MMP15: variants seen among roughly 807,000 people sequenced by gnomAD.
MMP15 encodes matrix metallopeptidase 15, also known as matrix metalloproteinase-15.
A neutral mutation model predicts 65.0 loss-of-function variants in MMP15; 36 were observed. That is an observed-to-expected ratio of 0.55 (90% CI 0.42 to 0.73). The LOEUF (loss-of-function observed/expected upper bound fraction) is 0.73. MMP15 is among the 30% of genes least tolerant of loss of function. MMP15 has a pLI of 0.00. For synonymous variants in MMP15, 428 were observed against 410.2 expected (o/e 1.04, Z -0.52); for missense variants, 870 against 987.8 (o/e 0.88, Z 1.60).
chr16:58,039,118 C>G (rs148680655), intron 3 of MMP15, among the ~76,000 whole-genome samples: 1 of 152,358 alleles, frequency 6.6e-6, no homozygotes, highest in Admixed American at 6.5e-5. Flanking sequence ...CACACACACA[C>G]TCTTTTCTAA....
Position 58,043,266 on chromosome 16 carries a change from C to T in MMP15, c.1360C>T (p.Leu454=). The T allele has an allele frequency of 6.2e-7, 1 of 1,602,710 alleles. No homozygotes were observed. The highest frequency in any genetic ancestry group is 2.2e-5 in the East Asian group (1 of 44,456). The stretch of plus-strand genomic sequence containing the variant: ...CCTGGAGCCCGGCTACCCACAGCCG[C>T]TGACCAGCTATGGCCTGGGCATCCC... ...ANLEPGYPQP[L]TSYGLGIPYD... The change falls in exon 8 of 10, where the codon CTG becomes TTG. Residue 454 remains leucine, a synonymous_variant. Transcript: ENST00000219271.
At chr16:58,037,286 G>A (rs1202163064) in intron 1 of MMP15, among the ~76,000 whole-genome samples, 186 bp from the exon 2 acceptor site, 1 of 152,196 alleles carries the variant, frequency 6.6e-6, no homozygotes, top group Non-Finnish European at 1.5e-5. Flanking sequence ...CTTTGTTCTG[G>A]CTCTTATGTG....
intron 6 of MMP15, 37 bp downstream of exon 6, chr16:58,041,907 T>C: frequency 6.5e-7 from 1 of 1,537,240 alleles, no homozygotes; most frequent in Non-Finnish European, 8.7e-7. Flanking sequence ...CCTGAGCCTT[T>C]TCCCTGGCTG....
intron 1 of MMP15, among the ~76,000 whole-genome samples, chr16:58,033,164 C>T (rs1336162827): frequency 6.6e-6 from 1 of 152,238 alleles, no homozygotes; most frequent in Non-Finnish European, 1.5e-5. Flanking sequence ...ACTGAGATGG[C>T]CCAGCGCCCA....
intron 1 of MMP15, among the ~76,000 whole-genome samples, chr16:58,033,813 G>A (rs1207819397): frequency 6.6e-6 from 1 of 152,244 alleles, no homozygotes; most frequent in Non-Finnish European, 1.5e-5. Context: ...TGAGGCAGAA[G>A]AATCGCTTGA....
At chr16:58,036,023 A>G (rs1336083279) in intron 1 of MMP15, among the ~76,000 whole-genome samples, 4 of 152,212 alleles carry the variant, frequency 2.6e-5, no homozygotes, top group Non-Finnish European at 5.9e-5. Flanking sequence ...TGGCCGGCCA[A>G]TATGGCTGTC....
chr16:58,045,347 C>A lies in MMP15; in HGVS notation c.1911C>A (p.Leu637=). ...TGCTGGTGCCACTGCTGCTGCTGCT[C>A]TGCGTCCTGGGCCTCACCTACGCGC... The part of the protein sequence containing the change: ...VMVLVPLLLL[L]CVLGLTYALV... Residue 637 remains leucine, a synonymous_variant, in exon 10 of 10, where the codon CTC becomes CTA. Coordinates refer to ENST00000219271, the MANE Select transcript of MMP15 (RefSeq NM_002428.4). 6.2e-7 allele frequency: 1 copy of A among 1,604,174 alleles called. No homozygotes were observed.
intron 5 of MMP15, among the ~76,000 whole-genome samples, chr16:58,041,268 T>C (rs1959445761): frequency 6.6e-6 from 1 of 152,126 alleles, no homozygotes; most frequent in African/African-American, 2.4e-5. Flanking sequence ...CGGGCACCCC[T>C]TGCTGCATCC....
At chr16:58,042,428 C>T (rs1313806984) in intron 7 of MMP15, 59 bp downstream of exon 7, 1 of 1,587,850 alleles carries the variant, frequency 6.3e-7, no homozygotes, top group Non-Finnish European at 8.6e-7. Context: ...TCTGACCCTG[C>T]TGGATCTGAG....
At position 58,045,645 on chromosome 16, in the gene MMP15, A is replaced by G. The variant is rs1959552074; in HGVS notation, c.*199A>G. The G allele has an allele frequency of 5.2e-6, 3 of 571,512 alleles. No homozygotes were observed. Among genetic ancestry groups the G allele is most frequent in the Admixed American group, 3.5e-5 (1 of 28,328 alleles). The allele number at this position is 571,512 out of a possible 1,614,324, so 35.4% of individuals were successfully genotyped here. ...TTGACCATTTGTTTCTGTTTCCCCG[A>G]CTGGGGCAGGGTGTTTAGAATTTTC... is the stretch of plus-strand genomic sequence containing the variant. On this transcript the variant is annotated 3_prime_UTR_variant, in exon 10 of 10. Transcript: ENST00000219271.
chr16:58,029,411 G>A (rs1455473741), intron 1 of MMP15, among the ~76,000 whole-genome samples: 3 of 152,194 alleles, frequency 2.0e-5, no homozygotes, highest in African/African-American at 7.2e-5. Context: ...CTTGTCATTG[G>A]GAATCTGCAG....
intron 2 of MMP15, among the ~76,000 whole-genome samples, chr16:58,037,837 A>ACAGTG (rs1316357033): frequency 6.6e-6 from 1 of 152,238 alleles, no homozygotes; most frequent in Non-Finnish European, 1.5e-5. Context: ...TAGCAGTAAG[A>ACAGTG]AGCACAGTGA....
rs544764672 is a variant in MMP15, at chr16:58,038,414, A to T, written c.440+20A>T. On this transcript the variant is annotated intron_variant, in intron 3 of 9. Transcript: ENST00000219271. The stretch of plus-strand genomic sequence containing the variant: ...CTTTAGGTAGGGGGCTCAGCTGCCC[A>T]GGGAAGCATCTGCCCCTCGGCAGGC... The T allele has an allele frequency of 3.2e-5, 51 of 1,613,266 alleles. 1 individual carries two copies. The South Asian group carries it at 5.5e-4, about 17-fold the overall frequency.
chr16:58,033,620 T>C (rs1208627779), intron 1 of MMP15, among the ~76,000 whole-genome samples: 7 of 152,136 alleles, frequency 4.6e-5, no homozygotes, highest in African/African-American at 1.7e-4. Flanking sequence ...AAGAAAGAAA[T>C]TGGCCAGGCG....
intron 4 of MMP15, 39 bp from the exon 5 acceptor site, chr16:58,040,498 C>A: frequency 6.2e-7 from 1 of 1,601,458 alleles, no homozygotes; most frequent in Non-Finnish European, 8.5e-7. Flanking sequence ...CTGGGACTGG[C>A]CACAGCTGAC....
intron 1 of MMP15, among the ~76,000 whole-genome samples, chr16:58,030,560 A>G (rs1963879147): frequency 6.6e-6 from 1 of 152,100 alleles, no homozygotes; most frequent in South Asian, 2.1e-4. Flanking sequence ...GCCCCTGGAG[A>G]TGCCCCCCAT....
chr16:58,039,875 C>T lies in MMP15; in HGVS notation c.441C>T (p.Ser147=). 4.4e-6 allele frequency: 7 copies of T among 1,590,382 alleles called. No homozygotes were observed. The highest frequency in any genetic ancestry group is 6.0e-6 in the Non-Finnish European group (7 of 1,163,280). The change falls in exon 4 of 10, where the codon AGC becomes AGT. Residue 147 remains serine (S), a splice_region_variant and synonymous_variant. Transcript: ENST00000219271. ...TCACTCATCTCCCACCCACCCCCAG[C>T]ATCCAGAACTACACGGAGAAGTTGG... ...RKWNNHHLTF[S]IQNYTEKLGW...
intron 2 of MMP15, 66 bp from the exon 3 acceptor site, chr16:58,038,200 A>C: frequency 6.3e-7 from 1 of 1,583,708 alleles, no homozygotes; most frequent in Non-Finnish European, 8.6e-7. Context: ...CGGAAGTGGC[A>C]GTGCCAGAAC....
chr16:58,038,197 G>A (rs1959374262), intron 2 of MMP15, 69 bp from the exon 3 acceptor site: 1 of 1,581,128 alleles, frequency 6.3e-7, no homozygotes, highest in Non-Finnish European at 8.6e-7. Context: ...TGGCGGAAGT[G>A]GCAGTGCCAG....
Sources: gnomAD v4.1 joint callset for allele counts (sites outside exome capture counted in the v4.1 genomes callset) on GRCh38, gnomAD v4.1.1 for gene constraint, MANE v1.5 for transcripts, NCBI Gene and HGNC (gene_info 2026-07-23, HGNC 2026-07-21) for gene names.